Variants in SLC35F2 observed in about 807,000 individuals in gnomAD.
The protein encoded by SLC35F2 is solute carrier family 35 member F2, also known as queuine/queuosine transporter SLC35F2.
Under a neutral mutation model 38.1 loss-of-function variants are expected in SLC35F2, and 25 were observed. The observed-to-expected ratio is 0.66, with a 90% CI of 0.48 to 0.92. SLC35F2 has a LOEUF of 0.92. Among genes scored for constraint, SLC35F2 ranks in the 40% least tolerant of loss-of-function variants. SLC35F2 has a pLI of 0.00. For synonymous variants in SLC35F2, 173 were observed against 181.7 expected, an observed-to-expected ratio of 0.95 and a Z score of 0.38; for missense variants, 409 against 452.9, an observed-to-expected ratio of 0.90 and a Z score of 0.88.
At position 107,855,033 on chromosome 11, in the gene SLC35F2, G is replaced by A. The variant is rs138882569; in HGVS notation, c.110+3625C>T. 2.6e-5 allele frequency among the ~76,000 whole-genome samples: 4 copies of A among 152,306 alleles called. No homozygotes were observed. In the East Asian group the frequency reaches 7.7e-4, roughly 29 times the overall value. ...AAGCTTAAAATATTGAGTATTAGGA[G>A]TACTGGATATCTGGTAAACCACTCT... is the stretch of plus-strand genomic sequence containing the variant. On this transcript the variant is annotated intron_variant, in intron 1 of 7. Coordinates refer to ENST00000525815, the MANE Select transcript of SLC35F2 (RefSeq NM_017515.5).
At chr11:107,828,216 C>T (rs1859784914) in intron 1 of SLC35F2, among the ~76,000 whole-genome samples, 1 of 152,102 alleles carries the variant, frequency 6.6e-6, no homozygotes, top group Non-Finnish European at 1.5e-5. Context: ...GCAGGTGGAT[C>T]ACGAGGTCAG....
At chr11:107,839,522 C>A (rs1244900968) in intron 1 of SLC35F2, among the ~76,000 whole-genome samples, 2 of 152,140 alleles carry the variant, frequency 1.3e-5, no homozygotes, top group Non-Finnish European at 2.9e-5. Flanking sequence ...ATTAGCCAAA[C>A]CCATATGGTT....
At chr11:107,843,861 AAAAAAAAATATATAT>A (rs1238848170) in intron 1 of SLC35F2, among the ~76,000 whole-genome samples, 1 of 38,268 alleles carries the variant, frequency 2.6e-5, no homozygotes, top group African/African-American at 8.3e-5. Flanking sequence ...AAAAAAAAAA[AAAAAAAAATATATAT>A]ATATATATAT....
chr11:107,809,329 CAAAAAAAAA>C (rs61511493), intron 3 of SLC35F2, among the ~76,000 whole-genome samples: 5,971 of 96,196 alleles, frequency 0.062, 363 homozygotes, highest in East Asian at 0.32. Context: ...ACTCAAAATA[CAAAAAAAAA>C]AAAAAAAAAA....
Position 107,802,987 on chromosome 11 carries a change from A to G in SLC35F2, c.939+14T>C, listed in dbSNP as rs761058556. 1 of 1,595,730 alleles carries G rather than the reference A, an allele frequency of 6.3e-7. No individual in the cohort carries two copies. Among genetic ancestry groups the G allele is most frequent in the Non-Finnish European group, 8.5e-7 (1 of 1,174,014 alleles). ...AAGCAAGTATTCTTATTTGAACGTG[A>G]TCTATTTGTTTACCTTATAGCCAAA... On this transcript the variant is annotated intron_variant, in intron 7 of 7. Coordinates refer to ENST00000525815, the MANE Select transcript of SLC35F2 (RefSeq NM_017515.5).
intron 5 of SLC35F2, 162 bp from the exon 6 acceptor site, chr11:107,804,932 TA>T: frequency 2.8e-6 from 2 of 723,488 alleles, no homozygotes; most frequent in Non-Finnish European, 3.4e-6. Flanking sequence ...TGACAAAGAA[TA>T]AAACCAAAGG....
chr11:107,856,420 C>T (rs1029219895), intron 1 of SLC35F2, among the ~76,000 whole-genome samples: 1 of 151,902 alleles, frequency 6.6e-6, no homozygotes, highest in African/African-American at 2.4e-5. Context: ...ACAGGCTGGG[C>T]GCGGTGGCTC....
chr11:107,853,719 C>CAAAA (rs67932834), intron 1 of SLC35F2, among the ~76,000 whole-genome samples: 201 of 65,892 alleles, frequency 3.1e-3, no homozygotes, highest in Middle Eastern at 0.017. Context: ...GACTCCGTCT[C>CAAAA]AAAAAAAAAA....
intron 1 of SLC35F2, chr11:107,823,242 A>G: frequency 1.0e-6 from 1 of 984,144 alleles, no homozygotes; most frequent in Non-Finnish European, 1.2e-6. Flanking sequence ...GCAAACCACT[A>G]AATTATTCTT....
rs1591181423 is a variant in SLC35F2 at position 107,792,636 on chromosome 11, C to G, written c.1104G>C (p.Glu368Asp). The G allele has an allele frequency of 1.9e-6, 3 of 1,612,206 alleles. No homozygotes were observed. The highest frequency in any genetic ancestry group is 1.7e-4 in the Middle Eastern group (1 of 5,750). The stretch of plus-strand genomic sequence containing the variant: ...CCAGCTACAAGACAGCAGAGTGGGT[C>G]TCCTGGAGGTTCTCCTCCAGCTTCA... ...LGLKLEENLQ[E>D]THSAVL The change falls in exon 8 of 8, where the codon GAG (glutamate) becomes GAC (aspartate). Residue 368 changes from glutamate (E) to aspartate (D), a missense_variant. Transcript: ENST00000525815.
intron 7 of SLC35F2, among the ~76,000 whole-genome samples, chr11:107,793,591 T>G (rs573280): frequency 0.49 from 74,756 of 151,838 alleles, 18,767 homozygotes; most frequent in Non-Finnish European, 0.54. Flanking sequence ...AAATTCATTT[T>G]GCTAAAATTT....
rs1019696690 is a variant in SLC35F2, at chr11:107,792,471, T to C, written c.*144A>G. On this transcript the variant is annotated 3_prime_UTR_variant, in exon 8 of 8. Transcript: ENST00000525815. ...ATTTCTACTTTTGAACTTTGTTCAGTGTTCCTTTCTAAAACCTAACCACTG... is the reference window on the plus strand; with the variant it reads ...ATTTCTACTTTTGAACTTTGTTCAGCGTTCCTTTCTAAAACCTAACCACTG... 9 of 891,488 alleles carry C rather than the reference T, an allele frequency of 1.0e-5. No homozygotes were observed. In the African/African-American group the frequency reaches 1.5e-4, roughly 15 times the overall value. 55.2% of individuals were successfully genotyped at this position (891,488 alleles called of 1,614,324 possible). A position where few individuals can be genotyped will look rare whatever the true frequency, so the allele number is the denominator to read the frequency against.
chr11:107,825,679 G>A (rs559976123), intron 1 of SLC35F2, among the ~76,000 whole-genome samples: 6 of 152,006 alleles, frequency 3.9e-5, no homozygotes, highest in East Asian at 3.9e-4. Context: ...CTGAGATTCC[G>A]CATTCCTAAG....
At chr11:107,842,358 A>AT (rs1277822752) in intron 1 of SLC35F2, among the ~76,000 whole-genome samples, 4 of 149,624 alleles carry the variant, frequency 2.7e-5, no homozygotes, top group South Asian at 2.2e-4. Context: ...AAAATTTTTA[A>AT]TTTTTTTATT....
chr11:107,857,133 A>G (rs1209868746), intron 1 of SLC35F2, among the ~76,000 whole-genome samples: 2 of 127,970 alleles, frequency 1.6e-5, no homozygotes, highest in South Asian at 2.8e-4. Context: ...GGAAGGGAGG[A>G]AGGAAGGGAG....
At chr11:107,827,079 A>T (rs1216279831) in intron 1 of SLC35F2, among the ~76,000 whole-genome samples, 1 of 152,180 alleles carries the variant, frequency 6.6e-6, no homozygotes, top group Non-Finnish European at 1.5e-5. Context: ...TCATTGGGAT[A>T]TATAGAAAAA....
At chr11:107,819,926 C>CA (rs1297616167) in intron 1 of SLC35F2, among the ~76,000 whole-genome samples, 6 of 152,094 alleles carry the variant, frequency 3.9e-5, no homozygotes, top group Non-Finnish European at 5.9e-5. Flanking sequence ...CCGTAAAAGG[C>CA]AGAAGAGATC....
intron 7 of SLC35F2, among the ~76,000 whole-genome samples, chr11:107,796,885 C>T (rs1859226265): frequency 6.6e-6 from 1 of 152,042 alleles, no homozygotes; most frequent in African/African-American, 2.4e-5. Context: ...GTTGCCCAGG[C>T]TGGTCTCAAA....
chr11:107,794,013 T>G (rs1029359649), intron 7 of SLC35F2, among the ~76,000 whole-genome samples: 3 of 152,182 alleles, frequency 2.0e-5, no homozygotes, highest in African/African-American at 4.8e-5. Flanking sequence ...TTAAGAATTT[T>G]GTATATTTCC....
Sources: allele counts gnomAD v4.1 joint callset (sites outside exome capture counted in the v4.1 genomes callset), GRCh38; gene constraint gnomAD v4.1.1; transcripts MANE v1.5; gene names NCBI Gene and HGNC (gene_info 2026-07-23, HGNC 2026-07-21).